Variants in RORB observed in about 807,000 individuals in gnomAD.
The protein encoded by RORB is RAR related orphan receptor B.
A neutral mutation model predicts 59.1 loss-of-function variants in RORB; 6 were observed. The ratio of observed to expected loss-of-function variants is 0.10; its 90% CI spans 0.06 to 0.20. The LOEUF (loss-of-function observed/expected upper bound fraction) is 0.20. RORB is among the 10% of genes least tolerant of loss of function. The pLI, the probability that RORB is intolerant of heterozygous loss-of-function variation, is 1.00. For synonymous variants in RORB, 215 were observed against 204.5 expected, an observed-to-expected ratio of 1.05 and a Z score of -0.44; for missense variants, 320 against 560.5, an observed-to-expected ratio of 0.57 and a Z score of 4.33.
intron 1 of RORB, among the ~76,000 whole-genome samples, chr9:74,500,147 G>C (rs1587327632): frequency 1.3e-5 from 2 of 152,146 alleles, no homozygotes; most frequent in Admixed American, 1.3e-4. Flanking sequence ...AGGCGCCCTA[G>C]GACCCCTTAC....
chr9:74,513,935 G>A (rs915773097), intron 1 of RORB, among the ~76,000 whole-genome samples: 1 of 152,010 alleles, frequency 6.6e-6, no homozygotes, highest in East Asian at 1.9e-4. Flanking sequence ...AAAGAATGCC[G>A]TAGGATCCAC....
chr9:74,575,645 A>T (rs1822623472), intron 1 of RORB, among the ~76,000 whole-genome samples: 1 of 151,932 alleles, frequency 6.6e-6, no homozygotes, highest in Non-Finnish European at 1.5e-5. Flanking sequence ...CCCAATTGTT[A>T]AAAAAAATCT....
chr9:74,585,221 A>G (rs1309791368), intron 1 of RORB, among the ~76,000 whole-genome samples: 1 of 152,244 alleles, frequency 6.6e-6, no homozygotes, highest in Non-Finnish European at 1.5e-5. Flanking sequence ...AACAGCTTCC[A>G]AAAGTACGAC....
intron 1 of RORB, among the ~76,000 whole-genome samples, chr9:74,499,341 C>G (rs1276878679): frequency 6.6e-6 from 1 of 152,128 alleles, no homozygotes; most frequent in Non-Finnish European, 1.5e-5. Context: ...CCTAGAGGAG[C>G]ACCCCAGGAG....
intron 1 of RORB, among the ~76,000 whole-genome samples, chr9:74,561,495 G>A (rs2118192788): frequency 1.3e-5 from 2 of 152,218 alleles, no homozygotes; most frequent in East Asian, 3.9e-4. Context: ...AGGACTTAAT[G>A]TGCCATGTTC....
intron 1 of RORB, among the ~76,000 whole-genome samples, chr9:74,548,543 C>G (rs1032389394): frequency 2.6e-5 from 4 of 152,144 alleles, no homozygotes; most frequent in Admixed American, 2.0e-4. Context: ...TTGCAATTTA[C>G]TTTTTCAGAA....
intron 3 of RORB, among the ~76,000 whole-genome samples, chr9:74,640,562 T>C (rs891306524): frequency 6.6e-6 from 1 of 151,980 alleles, no homozygotes; most frequent in Non-Finnish European, 1.5e-5. Flanking sequence ...GGATTACAGG[T>C]GCAAGCCACC....
At chr9:74,600,724 T>G (rs1823042156) in intron 1 of RORB, among the ~76,000 whole-genome samples, 1 of 152,246 alleles carries the variant, frequency 6.6e-6, no homozygotes, top group Admixed American at 6.5e-5. Context: ...AATTTTTTCT[T>G]GAAGTATAAG....
intron 1 of RORB, among the ~76,000 whole-genome samples, chr9:74,536,426 T>A (rs1587348197): frequency 6.6e-6 from 1 of 152,204 alleles, no homozygotes; most frequent in South Asian, 2.1e-4. Context: ...GGATCCTTTC[T>A]ATGTTAACTA....
intron 1 of RORB, among the ~76,000 whole-genome samples, chr9:74,592,763 C>T (rs181491633): frequency 6.6e-6 from 1 of 152,220 alleles, no homozygotes; most frequent in East Asian, 1.9e-4. Context: ...AAAAAACAGT[C>T]CATAGAAATG....
At chr9:74,609,485 A>G (rs1823201741) in intron 1 of RORB, among the ~76,000 whole-genome samples, 1 of 152,192 alleles carries the variant, frequency 6.6e-6, no homozygotes, top group Admixed American at 6.5e-5. Flanking sequence ...CTCCAGAAGG[A>G]TACATGAGTT....
At chr9:74,498,417 G>T (rs1825751700) in intron 1 of RORB, 1 of 175,318 alleles carries the variant, frequency 5.7e-6, no homozygotes, top group African/African-American at 2.4e-5. Flanking sequence ...CGGGGGCAGG[G>T]TGGACACGCG....
Position 74,671,819 on chromosome 9 carries a change from TC to T in RORB, c.1144del (p.Gln382ArgfsTer14). 1 of 1,612,822 alleles carries T rather than the reference TC, an allele frequency of 6.2e-7. No homozygotes were observed. The highest frequency in any genetic ancestry group is 8.5e-7 in the Non-Finnish European group (1 of 1,179,184). On this transcript the variant is annotated frameshift_variant, in exon 9 of 10. Transcript: ENST00000376896. LOFTEE classifies it high-confidence loss of function. ...DRAWLIEPRK[V>X]QKLQEKIYFA... Reference sequence around the variant, plus strand: ...GCCTGGCTTATAGAACCAAGGAAAGTCCAGAAGCTTCAGGAAAAAATTTATT... The same window carrying T: ...GCCTGGCTTATAGAACCAAGGAAAGTCAGAAGCTTCAGGAAAAAATTTATT...
At chr9:74,554,404 C>T (rs1439062869) in intron 1 of RORB, among the ~76,000 whole-genome samples, 1 of 152,014 alleles carries the variant, frequency 6.6e-6, no homozygotes, top group African/African-American at 2.4e-5. Context: ...TATGCTTCAC[C>T]GAAGCACCTG....
At chr9:74,665,460 T>C in intron 6 of RORB, 28 bp from the exon 7 acceptor site, 3 of 1,374,208 alleles carry the variant, frequency 2.2e-6, no homozygotes, top group Non-Finnish European at 3.0e-6. Flanking sequence ...ATTTTTATTT[T>C]ATTTTTATTT....
chr9:74,568,296 A>T (rs1236298246), intron 1 of RORB, among the ~76,000 whole-genome samples: 2 of 152,070 alleles, frequency 1.3e-5, no homozygotes, highest in African/African-American at 4.8e-5. Flanking sequence ...CAAAAAAATT[A>T]TTGTGATTTT....
chr9:74,581,055 T>C (rs1476467843), intron 1 of RORB, among the ~76,000 whole-genome samples: 3 of 152,158 alleles, frequency 2.0e-5, no homozygotes, highest in African/African-American at 7.2e-5. Flanking sequence ...CTGAGTAGTC[T>C]CTGAACTTGG....
At chr9:74,643,553 A>C in intron 4 of RORB, among the ~76,000 whole-genome samples, 1 of 152,224 alleles carries the variant, frequency 6.6e-6, no homozygotes, top group African/African-American at 2.4e-5. Flanking sequence ...CATCGAACTC[A>C]GGAGTCTATT....
At chr9:74,498,103 C>A in intron 1 of RORB, 120 bp downstream of exon 1, 1 of 1,141,720 alleles carries the variant, frequency 8.8e-7, no homozygotes. Context: ...CGCAGTTCCC[C>A]GAATTCGCTC....
Sources: gnomAD v4.1 joint callset for allele counts (sites outside exome capture counted in the v4.1 genomes callset) on GRCh38, gnomAD v4.1.1 for gene constraint, MANE v1.5 for transcripts, NCBI Gene and HGNC (gene_info 2026-07-23, HGNC 2026-07-21) for gene names.